The following COQ3 variants were observed in gnomAD, a reference collection of about 807,000 sequenced individuals.
COQ3 encodes coenzyme Q3, methyltransferase.
In COQ3, 29 loss-of-function variants were observed where a neutral mutation model predicts 33.1. The observed-to-expected ratio is 0.88, with a 90% CI of 0.65 to 1.19. COQ3 has a LOEUF of 1.19. Among genes scored for constraint, COQ3 ranks in the 50% most tolerant of loss-of-function variants. The pLI is 0.00. For synonymous variants in COQ3, 173 were observed against 157.8 expected (o/e 1.10, Z -0.72); for missense variants, 437 against 430.7 (o/e 1.01, Z -0.13).
intron 2 of COQ3, among the ~76,000 whole-genome samples, chr6:99,382,563 T>C (rs1465972604): frequency 6.6e-6 from 1 of 152,200 alleles, no homozygotes; most frequent in Non-Finnish European, 1.5e-5. Flanking sequence ...TAATTTACAA[T>C]AGGTAACAGT....
intron 5 of COQ3, among the ~76,000 whole-genome samples, chr6:99,374,133 A>T (rs928421517): frequency 2.0e-5 from 3 of 149,788 alleles, no homozygotes; most frequent in Non-Finnish European, 4.4e-5. Context: ...AAAAAAAAAA[A>T]AAAAAAAAAA....
At chr6:99,373,645 A>G (rs2128470116) in intron 5 of COQ3, among the ~76,000 whole-genome samples, 1 of 152,258 alleles carries the variant, frequency 6.6e-6, no homozygotes, top group South Asian at 2.1e-4. Context: ...TTAACAATCA[A>G]TTAAGAAGTT....
At chr6:99,378,891 C>T (rs537270631) in intron 3 of COQ3, among the ~76,000 whole-genome samples, 8 of 151,610 alleles carry the variant, frequency 5.3e-5, no homozygotes, top group African/African-American at 1.7e-4. Flanking sequence ...CAGTGCTTTG[C>T]CCAAAATTGT....
At chr6:99,393,250 T>C (rs1277364718) in intron 1 of COQ3, among the ~76,000 whole-genome samples, 3 of 152,068 alleles carry the variant, frequency 2.0e-5, no homozygotes, top group African/African-American at 7.2e-5. Context: ...CTTAACACTA[T>C]ATCTTACTAC....
intron 1 of COQ3, among the ~76,000 whole-genome samples, chr6:99,384,544 T>C (rs1001245258): frequency 2.6e-5 from 4 of 152,184 alleles, no homozygotes; most frequent in African/African-American, 4.8e-5. Flanking sequence ...ATTAGCTACA[T>C]GAAATGAATT....
intron 1 of COQ3, among the ~76,000 whole-genome samples, chr6:99,391,098 T>TATTTATTTATTTATTG (rs1554209269): frequency 7.5e-6 from 1 of 133,648 alleles, no homozygotes; most frequent in African/African-American, 2.5e-5. Context: ...TTTATTTATT[T>TATTTATTTATTTATTG]ATTTATTTAT....
intron 2 of COQ3, among the ~76,000 whole-genome samples, chr6:99,381,907 A>G (rs1279400049): frequency 6.7e-6 from 1 of 149,566 alleles, no homozygotes; most frequent in African/African-American, 2.5e-5. Flanking sequence ...GCCTGGGTGA[A>G]AGAGCAAGAC....
At chr6:99,392,162 G>A (rs1221728900) in intron 1 of COQ3, among the ~76,000 whole-genome samples, 1 of 152,046 alleles carries the variant, frequency 6.6e-6, no homozygotes, top group East Asian at 1.9e-4. Context: ...TAAAGGAATG[G>A]GAAAAGGTTT....
chr6:99,377,212 G>A (rs534769922), intron 4 of COQ3, among the ~76,000 whole-genome samples, 174 bp downstream of exon 4: 17 of 151,858 alleles, frequency 1.1e-4, no homozygotes, highest in Admixed American at 9.2e-4. Context: ...GTTTCGCCAT[G>A]TTGGTCAGGC....
Position 99,369,746 on chromosome 6 carries a change from T to C in COQ3, c.964A>G (p.Thr322Ala), listed in dbSNP as rs771878938. 6.2e-7 allele frequency: 1 copy of C among 1,613,148 alleles called. No individual in the cohort carries two copies. Among genetic ancestry groups the C allele is most frequent in the Non-Finnish European group, 8.5e-7 (1 of 1,179,418 alleles). The change falls in exon 7 of 7, where the codon ACC becomes GCC. Residue 322 changes from threonine (T) to alanine (A), a missense_variant. Thr to Ala is a moderately conservative substitution (Grantham distance 58). Coordinates refer to ENST00000254759, the MANE Select transcript of COQ3 (RefSeq NM_017421.4). ...GCATAAGCTGCATAGTTAAGGCTGG[T>C]ATTTTCACTCCAATGCCAGTAACCT... ...FSGYWHWSEN[T>A]SLNYAAYAVK...
chr6:99,384,435 C>T (rs940845317), intron 1 of COQ3, among the ~76,000 whole-genome samples: 2 of 152,018 alleles, frequency 1.3e-5, no homozygotes, highest in Non-Finnish European at 2.9e-5. Context: ...CATAAAATGA[C>T]AGGAATGATA....
intron 1 of COQ3, 36 bp from the exon 2 acceptor site, chr6:99,383,860 T>A: frequency 6.7e-7 from 1 of 1,496,422 alleles, no homozygotes; most frequent in Non-Finnish European, 9.0e-7. Context: ...AGAAAAGCTT[T>A]GCACAGTAAG....
At chr6:99,388,698 A>T (rs934916957) in intron 1 of COQ3, among the ~76,000 whole-genome samples, 2 of 152,074 alleles carry the variant, frequency 1.3e-5, no homozygotes, top group Non-Finnish European at 2.9e-5. Flanking sequence ...AAATAAAAAA[A>T]TTAGCCAGGT....
chr6:99,390,841 T>C lies in COQ3; in HGVS notation c.106+3233A>G, dbSNP rs572073657. On this transcript the variant is annotated intron_variant, in intron 1 of 6. Coordinates refer to ENST00000254759, the MANE Select transcript of COQ3 (RefSeq NM_017421.4). ...CCTCGAGTAGCTGGCACTATAAACA[T>C]GGGCCCCGTGCCCAGTTAATGTAGT... Among the ~76,000 whole-genome samples, 286 of 152,278 alleles carry C rather than the reference T, an allele frequency of 1.9e-3. 2 individuals are homozygous for C. Among genetic ancestry groups the C allele is most frequent in the South Asian group, 2.1e-3 (10 of 4,824 alleles).
intron 4 of COQ3, among the ~76,000 whole-genome samples, chr6:99,376,830 G>A (rs1250818999): frequency 1.3e-5 from 2 of 151,932 alleles, no homozygotes; most frequent in African/African-American, 4.8e-5. Context: ...GGGCATGGTG[G>A]CGGCAGCCCG....
In COQ3 at chr6:99,385,654, C is replaced by A. The variant is rs62432263; in HGVS notation, c.107-1830G>T. 5.4e-3 allele frequency among the ~76,000 whole-genome samples: 822 copies of A among 152,018 alleles called. 5 individuals are homozygous for A. Among genetic ancestry groups the A allele is most frequent in the Non-Finnish European group, 8.3e-3 (563 of 67,958 alleles). Reference sequence around the variant, plus strand: ...GGAGCACTGAGAGGTCAATTTATATCACTAAAATAATCATATTGAAAAGGA... The same window carrying A: ...GGAGCACTGAGAGGTCAATTTATATAACTAAAATAATCATATTGAAAAGGA... On this transcript the variant is annotated intron_variant, in intron 1 of 6. Transcript: ENST00000254759.
intron 1 of COQ3, among the ~76,000 whole-genome samples, chr6:99,390,584 G>A (rs1774798072): frequency 1.3e-5 from 2 of 152,068 alleles, no homozygotes; most frequent in South Asian, 2.1e-4. Context: ...CACCCGCCTC[G>A]GCCTCCCAAA....
chr6:99,390,467 G>A (rs1774794307), intron 1 of COQ3, among the ~76,000 whole-genome samples: 1 of 151,822 alleles, frequency 6.6e-6, no homozygotes, highest in Non-Finnish European at 1.5e-5. Flanking sequence ...CCGAGTAGCT[G>A]GGACTACAGG....
intron 1 of COQ3, among the ~76,000 whole-genome samples, chr6:99,386,294 G>A (rs1238360251): frequency 6.6e-6 from 1 of 151,992 alleles, no homozygotes; most frequent in Non-Finnish European, 1.5e-5. Context: ...GCCAGGCATG[G>A]TGGCACATGC....
Sources: gnomAD v4.1 joint callset for allele counts (sites outside exome capture counted in the v4.1 genomes callset) on GRCh38, gnomAD v4.1.1 for gene constraint, MANE v1.5 for transcripts, NCBI Gene and HGNC (gene_info 2026-07-23, HGNC 2026-07-21) for gene names.